PCNX2: variants seen among roughly 807,000 people sequenced by gnomAD.
PCNX2 encodes the protein pecanex-like protein 2.
A neutral mutation model predicts 223.8 loss-of-function variants in PCNX2; 168 were observed. The observed-to-expected ratio is 0.75, with a 90% confidence interval of 0.66 to 0.85. The LOEUF is 0.85. PCNX2 is among the 40% of genes least tolerant of loss of function. The probability of loss-of-function intolerance (pLI) is 0.00; values close to 1 mark genes in which losing one functional copy is unlikely to be tolerated. For synonymous variants in PCNX2, 1,006 were observed against 1,052.6 expected (o/e 0.96, Z 0.86); for missense variants, 2,507 against 2,675.5 (o/e 0.94, Z 1.39).
At chr1:233,059,803 T>C (rs1168444312) in intron 23 of PCNX2, among the ~76,000 whole-genome samples, 2 of 152,210 alleles carry the variant, frequency 1.3e-5, no homozygotes, top group Non-Finnish European at 2.9e-5. Flanking sequence ...ACATGATCAT[T>C]GACATATTCT....
chr1:233,288,079 T>C (rs914988680), intron 1 of PCNX2, among the ~76,000 whole-genome samples: 1 of 152,232 alleles, frequency 6.6e-6, no homozygotes, highest in Admixed American at 6.5e-5. Context: ...GTCCATTTTC[T>C]TCTTGCAGAG....
intron 32 of PCNX2, 41 bp downstream of exon 32, chr1:232,998,210 T>C (rs1465108353): frequency 6.8e-7 from 1 of 1,476,478 alleles, no homozygotes; most frequent in East Asian, 2.5e-5. Flanking sequence ...TGGGACCAAA[T>C]AGGACTTCAT....
chr1:232,986,103 G>C lies in PCNX2; in HGVS notation c.6229C>G (p.Gln2077Glu), dbSNP rs1217093760. 6.4e-7 allele frequency: 1 copy of C among 1,562,742 alleles called. No homozygotes were observed. Among genetic ancestry groups the C allele is most frequent in the Non-Finnish European group, 8.7e-7 (1 of 1,152,796 alleles). ...GCCCAGCCCCTTACCCGAGTGGCCT[G>C]GCTGGCAGCCCTGGCTGAGGGGCCC... ...VMGPSARAASQATRHLSEPCE... is the reference protein window; with the variant it reads ...VMGPSARAASEATRHLSEPCE... Residue 2077 changes from glutamine to glutamate, a missense_variant, in exon 33 of 34, where the codon CAG becomes GAG. Physicochemically the swap from Gln to Glu is conservative, Grantham distance 29. Transcript: ENST00000258229.
At chr1:233,078,682 C>T (rs1013835629) in intron 23 of PCNX2, among the ~76,000 whole-genome samples, 8 of 152,172 alleles carry the variant, frequency 5.3e-5, no homozygotes, top group Admixed American at 2.0e-4. Context: ...GCACGTTCAA[C>T]GCTTCCCTGC....
intron 8 of PCNX2, among the ~76,000 whole-genome samples, chr1:233,237,711 G>C (rs919663744): frequency 5.9e-5 from 9 of 152,134 alleles, no homozygotes; most frequent in Non-Finnish European, 1.3e-4. Flanking sequence ...CTACTCAACA[G>C]GCATTTCTCA....
intron 32 of PCNX2, among the ~76,000 whole-genome samples, chr1:232,989,011 G>A (rs1472603830): frequency 1.3e-5 from 2 of 152,220 alleles, no homozygotes; most frequent in African/African-American, 4.8e-5. Flanking sequence ...CCTCTAGCAA[G>A]GGCTCAGGAT....
chr1:233,006,045 C>G (rs543723334), intron 28 of PCNX2, among the ~76,000 whole-genome samples: 1 of 152,060 alleles, frequency 6.6e-6, no homozygotes, highest in Non-Finnish European at 1.5e-5. Flanking sequence ...TGAAAAAACT[C>G]GGCACATGTG....
At chr1:233,155,452 A>C (rs1266272959) in intron 19 of PCNX2, among the ~76,000 whole-genome samples, 5 of 152,188 alleles carry the variant, frequency 3.3e-5, no homozygotes, top group African/African-American at 1.2e-4. Flanking sequence ...TAGGAACTCA[A>C]TAATTATTTT....
At chr1:233,297,459 G>T (rs1662188560), upstream of PCNX2, among the ~76,000 whole-genome samples, 1 of 152,194 alleles carries the variant, frequency 6.6e-6, no homozygotes. Context: ...TGGAAGCACT[G>T]GGGCACTGTG....
At chr1:233,313,017 A>G in the PCNX2 span, among the ~76,000 whole-genome samples, 2 of 152,192 alleles carry the variant, frequency 1.3e-5, no homozygotes, top group Non-Finnish European at 2.9e-5. Flanking sequence ...TAACTCTAAC[A>G]TTATCTCAAT....
chr1:233,327,060 A>G, the PCNX2 span, among the ~76,000 whole-genome samples: 5 of 152,152 alleles, frequency 3.3e-5, no homozygotes, highest in East Asian at 7.7e-4. Flanking sequence ...TGCCACTCGC[A>G]CTGGCCCAGG....
At position 232,984,216 on chromosome 1, in the gene PCNX2, T is replaced by C. The variant is rs1669373185; in HGVS notation, c.*88A>G. ...AGTCCCTCATGGATCGCGGTATTGG[T>C]TGGTTGTGGTGATTTGGGGAGCACG... On this transcript the variant is annotated 3_prime_UTR_variant, in exon 34 of 34. Coordinates refer to ENST00000258229, the MANE Select transcript of PCNX2 (RefSeq NM_014801.4). 7.7e-7 allele frequency: 1 copy of C among 1,299,612 alleles called. No homozygotes were observed. Among genetic ancestry groups the C allele is most frequent in the African/African-American group, 1.6e-5 (1 of 64,372 alleles). The allele number at this position is 1,299,612 out of a possible 1,614,324, so 80.5% of individuals were successfully genotyped here.
At chr1:233,009,729 TGG>T (rs1430760926) in intron 28 of PCNX2, among the ~76,000 whole-genome samples, 1 of 152,196 alleles carries the variant, frequency 6.6e-6, no homozygotes, top group Non-Finnish European at 1.5e-5. Context: ...TGGTTTGCGA[TGG>T]AGCTTGGGGT....
At chr1:233,079,295 C>T (rs1008455083) in intron 23 of PCNX2, among the ~76,000 whole-genome samples, 4 of 151,930 alleles carry the variant, frequency 2.6e-5, no homozygotes, top group Non-Finnish European at 2.9e-5. Context: ...GAGGCCGAGG[C>T]GAGCAGATCA....
At chr1:233,041,852 T>C (rs954993463) in intron 25 of PCNX2, among the ~76,000 whole-genome samples, 1 of 152,366 alleles carries the variant, frequency 6.6e-6, no homozygotes, top group Admixed American at 6.5e-5. Context: ...TCAGGAATGA[T>C]GGTGATTCCA....
At chr1:233,181,956 C>T (rs1271973091) in intron 15 of PCNX2, among the ~76,000 whole-genome samples, 5 of 152,142 alleles carry the variant, frequency 3.3e-5, no homozygotes, top group Non-Finnish European at 1.5e-5. Flanking sequence ...TTTTTTATTT[C>T]AGTGCCATCT....
chr1:233,295,112 G>C lies in PCNX2; in HGVS notation c.153+214C>G, dbSNP rs1288887637. ...ATTCTTAATGAGTCCCCGAGCCCCC[G>C]CAGTCCTGTCTACTTCTTTTCTTTT... On this transcript the variant is annotated intron_variant, in intron 1 of 33. Transcript: ENST00000258229. This position sits in a 1 kb window ranked among gnomAD's most constrained non-coding sequence, Gnocchi z 4.1. Among the ~76,000 whole-genome samples the C allele has an allele frequency of 6.6e-6, 1 of 152,072 alleles. No individual in the cohort carries two copies. Among genetic ancestry groups the C allele is most frequent in the Admixed American group, 6.5e-5 (1 of 15,278 alleles).
chr1:233,247,603 G>A lies in PCNX2; in HGVS notation c.2222+3136C>T, dbSNP rs541646118. Among the ~76,000 whole-genome samples, 18 of 152,138 alleles carry A rather than the reference G, an allele frequency of 1.2e-4. No individual in the cohort carries two copies. In the South Asian group the frequency reaches 3.1e-3, roughly 26 times the overall value. On this transcript the variant is annotated intron_variant, in intron 8 of 33. Transcript: ENST00000258229. ...CCTTCAAAAGTGCTGAGATTGCCAG[G>A]TGTGGTGGCTCACGCCTGTAATCCC...
chr1:233,216,879 A>T (rs1422084264), intron 12 of PCNX2, among the ~76,000 whole-genome samples: 1 of 152,194 alleles, frequency 6.6e-6, no homozygotes, highest in Non-Finnish European at 1.5e-5. Flanking sequence ...CATTCAGCCT[A>T]AAAAAAGAAG....
Sources: allele counts gnomAD v4.1 joint callset (sites outside exome capture counted in the v4.1 genomes callset), GRCh38; gene constraint gnomAD v4.1.1; non-coding constraint Gnocchi (gnomAD v3.1); transcripts MANE v1.5; gene names NCBI Gene and HGNC (gene_info 2026-07-23, HGNC 2026-07-21).